RBFOX1: variants seen among roughly 807,000 people sequenced by gnomAD.
RBFOX1 encodes the protein RNA binding fox-1 homolog 1, also known as RNA binding protein fox-1 homolog 1.
RBFOX1 carries 8 observed loss-of-function variants against 57.7 expected under a neutral mutation model. The ratio of observed to expected loss-of-function variants is 0.14; its 90% CI spans 0.08 to 0.25. The LOEUF is 0.25. Ranked by LOEUF, RBFOX1 falls within the 10% of genes least tolerant of loss-of-function variation. The pLI, the probability that RBFOX1 is intolerant of heterozygous loss-of-function variation, is 1.00. For synonymous variants in RBFOX1, 326 were observed against 222.4 expected, an observed-to-expected ratio of 1.47 and a Z score of -4.15; for missense variants, 611 against 548.5, an observed-to-expected ratio of 1.11 and a Z score of -1.14.
chr16:6,842,632 G>T (rs987437950), intron 3 of RBFOX1, among the ~76,000 whole-genome samples: 2 of 145,026 alleles, frequency 1.4e-5, no homozygotes, highest in African/African-American at 2.5e-5. Flanking sequence ...CATTTAGACT[G>T]TTTTTTTTAA....
chr16:6,723,788 C>G (rs1364910972), intron 3 of RBFOX1: 1 of 151,992 alleles, frequency 6.6e-6, no homozygotes, highest in Non-Finnish European at 1.5e-5. Context: ...CCCTAGACTT[C>G]TGGAGAGTCT....
chr16:7,308,781 C>T (rs1439387841), intron 4 of RBFOX1, among the ~76,000 whole-genome samples: 3 of 152,174 alleles, frequency 2.0e-5, no homozygotes, highest in South Asian at 2.1e-4. Flanking sequence ...AGGCTGCAGG[C>T]GTTGGGGAGG....
chr16:6,254,310 C>G (rs1255094076), intron 1 of RBFOX1, among the ~76,000 whole-genome samples: 1 of 151,988 alleles, frequency 6.6e-6, no homozygotes, highest in East Asian at 1.9e-4. Flanking sequence ...TGTTTATCAA[C>G]AATATAAATA....
intron 4 of RBFOX1, among the ~76,000 whole-genome samples, chr16:7,372,578 C>G (rs1327736152): frequency 2.0e-5 from 3 of 152,080 alleles, no homozygotes; most frequent in Non-Finnish European, 4.4e-5. Flanking sequence ...TTGCATCTGA[C>G]TTAGGAAGAA....
chr16:5,804,016 T>G (rs983379107), intron 3 of RBFOX1, among the ~76,000 whole-genome samples: 1 of 152,128 alleles, frequency 6.6e-6, no homozygotes, highest in African/African-American at 2.4e-5. Context: ...CTCTGGGAAG[T>G]CTTGCCACAG....
intron 3 of RBFOX1, among the ~76,000 whole-genome samples, chr16:5,740,699 T>G (rs542371608): frequency 6.6e-6 from 1 of 152,306 alleles, no homozygotes; most frequent in South Asian, 2.1e-4. Context: ...CATATCTCAG[T>G]ATCATTCTAA....
At chr16:6,541,534 G>C (rs191009893) in intron 2 of RBFOX1, among the ~76,000 whole-genome samples, 27 of 152,294 alleles carry the variant, frequency 1.8e-4, no homozygotes, top group African/African-American at 5.1e-4. Flanking sequence ...ACCTGAGATA[G>C]GGCATAGTGA....
chr16:6,045,324 C>T (rs1186008743), intron 1 of RBFOX1, among the ~76,000 whole-genome samples: 1 of 152,094 alleles, frequency 6.6e-6, no homozygotes. Flanking sequence ...AATGTTAATG[C>T]TTGGGTGTTT....
At chr16:5,847,060 G>T (rs1355261319) in intron 3 of RBFOX1, among the ~76,000 whole-genome samples, 1 of 152,178 alleles carries the variant, frequency 6.6e-6, no homozygotes. Flanking sequence ...GAACCCACTA[G>T]CTCTCTTGTA....
At chr16:5,730,236 T>C (rs1187925437) in intron 3 of RBFOX1, among the ~76,000 whole-genome samples, 4 of 152,100 alleles carry the variant, frequency 2.6e-5, no homozygotes, top group Admixed American at 2.6e-4. Context: ...TGACCACAGG[T>C]TTATTCTCTT....
intron 4 of RBFOX1, among the ~76,000 whole-genome samples, chr16:7,238,342 TA>T (rs1390219089): frequency 6.8e-6 from 1 of 147,836 alleles, no homozygotes; most frequent in Non-Finnish European, 1.5e-5. Context: ...AAAAAATAAA[TA>T]AATAAAATAA....
intron 5 of RBFOX1, among the ~76,000 whole-genome samples, chr16:7,566,953 A>G (rs2091830490): frequency 6.6e-6 from 1 of 151,928 alleles, no homozygotes; most frequent in South Asian, 2.1e-4. Context: ...GAAATCGATT[A>G]AGAAACATGT....
At chr16:7,018,236 C>G (rs2094013909) in intron 3 of RBFOX1, among the ~76,000 whole-genome samples, 1 of 152,146 alleles carries the variant, frequency 6.6e-6, no homozygotes, top group African/African-American at 2.4e-5. Flanking sequence ...TCTCTACTGG[C>G]TTGCATTCTA....
intron 4 of RBFOX1, among the ~76,000 whole-genome samples, chr16:7,502,887 G>T (rs558483097): frequency 5.9e-5 from 9 of 152,190 alleles, no homozygotes; most frequent in African/African-American, 1.9e-4. Flanking sequence ...GCCAAGTGTG[G>T]TGGCAGGTGC....
intron 4 of RBFOX1, among the ~76,000 whole-genome samples, chr16:7,261,812 G>C (rs1158873984): frequency 1.3e-5 from 2 of 152,196 alleles, no homozygotes; most frequent in African/African-American, 2.4e-5. Flanking sequence ...AGCTTTGAAA[G>C]CATTACTGAT....
intron 3 of RBFOX1, among the ~76,000 whole-genome samples, chr16:6,679,502 C>A (rs952021107): frequency 6.6e-6 from 1 of 152,068 alleles, no homozygotes; most frequent in Non-Finnish European, 1.5e-5. Flanking sequence ...GCTTCATGGT[C>A]GCATTCTGGA....
chr16:6,840,424 C>A (rs1451079636), intron 3 of RBFOX1, among the ~76,000 whole-genome samples: 1 of 152,114 alleles, frequency 6.6e-6, no homozygotes, highest in Non-Finnish European at 1.5e-5. Flanking sequence ...TGATCACAGT[C>A]TTCTTTCAAC....
intron 2 of RBFOX1, among the ~76,000 whole-genome samples, chr16:6,459,877 G>T (rs947955192): frequency 1.3e-5 from 2 of 151,448 alleles, no homozygotes; most frequent in Non-Finnish European, 2.9e-5. Flanking sequence ...CCAGCTACTT[G>T]GGAGGCTGAG....
intron 4 of RBFOX1, among the ~76,000 whole-genome samples, chr16:7,262,214 C>T (rs977724982): frequency 3.3e-5 from 5 of 152,054 alleles, no homozygotes; most frequent in African/African-American, 4.8e-5. Context: ...ATTTCTACTG[C>T]AGTAAGCCAC....
Sources: gnomAD v4.1 joint callset for allele counts (sites outside exome capture counted in the v4.1 genomes callset) on GRCh38, gnomAD v4.1.1 for gene constraint, MANE v1.5 for transcripts, NCBI Gene and HGNC (gene_info 2026-07-23, HGNC 2026-07-21) for gene names.